The following PHF2 variants were observed in gnomAD, a reference collection of about 807,000 sequenced individuals.
PHF2 encodes PHD finger protein 2.
PHF2 carries 27 observed loss-of-function variants against 120.5 expected under a neutral mutation model. The observed-to-expected ratio is 0.22, with a 90% CI of 0.17 to 0.31. The LOEUF is 0.31. Among genes scored for constraint, PHF2 ranks in the 10% least tolerant of loss-of-function variants. The pLI is 1.00. For synonymous variants in PHF2, 568 were observed against 592.5 expected (o/e 0.96, Z 0.60); for missense variants, 1,024 against 1,434.8 (o/e 0.71, Z 4.63).
chr9:93,657,957 A>G (rs1014308866), intron 9 of PHF2, among the ~76,000 whole-genome samples, 188 bp from the exon 10 acceptor site: 4 of 152,148 alleles, frequency 2.6e-5, no homozygotes, highest in Non-Finnish European at 5.9e-5. Flanking sequence ...CAAGCAGGGC[A>G]GGCCACCAGG....
At chr9:93,581,459 A>G (rs188917762) in intron 1 of PHF2, among the ~76,000 whole-genome samples, 34 of 152,280 alleles carry the variant, frequency 2.2e-4, no homozygotes, top group Non-Finnish European at 3.1e-4. Flanking sequence ...TGATGTGTTT[A>G]GGAATAAATC....
At chr9:93,584,649 G>T (rs1863001912) in intron 1 of PHF2, among the ~76,000 whole-genome samples, 1 of 152,176 alleles carries the variant, frequency 6.6e-6, no homozygotes, top group Non-Finnish European at 1.5e-5. Flanking sequence ...CTGCAAAGTT[G>T]TAGTAAGTTT....
rs998819814 is a variant in PHF2, at chr9:93,677,521, C to G, written c.3203-67C>G. The G allele has an allele frequency of 8.3e-7, 1 of 1,207,418 alleles. No individual in the cohort carries two copies. Among genetic ancestry groups the G allele is most frequent in the Admixed American group, 1.8e-5 (1 of 55,896 alleles). 74.8% of individuals were successfully genotyped at this position (1,207,418 alleles called of 1,614,324 possible). On this transcript the variant is annotated intron_variant, in intron 21 of 21. Transcript: ENST00000359246. This position sits in a 1 kb window ranked among gnomAD's most constrained non-coding sequence, Gnocchi z 4.4. ...GTGTCAGCGGGACCCTCCCCCCCAC[C>G]GGCATGCCACGCCCCTTGCCATCTA...
At chr9:93,618,230 C>T (rs1564383021) in intron 1 of PHF2, among the ~76,000 whole-genome samples, 1 of 152,264 alleles carries the variant, frequency 6.6e-6, no homozygotes, top group Non-Finnish European at 1.5e-5. Flanking sequence ...TGAGCTAATG[C>T]AGCTGTTGCA....
intron 7 of PHF2, among the ~76,000 whole-genome samples, chr9:93,655,276 G>GT (rs71364388): frequency 0.46 from 66,476 of 143,622 alleles, 15,341 homozygotes; most frequent in South Asian, 0.55. Flanking sequence ...TATAGGGTTG[G>GT]TTTTTTTTTT....
intron 4 of PHF2, 74 bp from the exon 5 acceptor site, chr9:93,648,997 C>T: frequency 6.6e-7 from 1 of 1,506,026 alleles, no homozygotes; most frequent in Admixed American, 2.0e-5. Flanking sequence ...TGTGTGTCCA[C>T]TCCACACGTC....
intron 1 of PHF2, among the ~76,000 whole-genome samples, chr9:93,597,400 T>C (rs763848485): frequency 3.9e-4 from 59 of 152,134 alleles, no homozygotes; most frequent in Admixed American, 8.5e-4. Flanking sequence ...ATGCAGACCC[T>C]TGGGCCACTG....
At chr9:93,636,990 A>G (rs2131663567) in intron 3 of PHF2, among the ~76,000 whole-genome samples, 1 of 152,374 alleles carries the variant, frequency 6.6e-6, no homozygotes. Flanking sequence ...GGCCACAGGA[A>G]GGACACAGCC....
intron 2 of PHF2, among the ~76,000 whole-genome samples, chr9:93,634,529 C>A (rs1158212327): frequency 2.0e-4 from 31 of 152,222 alleles, no homozygotes; most frequent in Admixed American, 2.0e-3. Flanking sequence ...TGAGTGCTTG[C>A]AAACTGCAAC....
chr9:93,593,977 T>G (rs146939067), intron 1 of PHF2, among the ~76,000 whole-genome samples: 103 of 152,242 alleles, frequency 6.8e-4, no homozygotes, highest in African/African-American at 2.4e-3. Flanking sequence ...AGCAAGGGAG[T>G]AAGACCATCA....
rs572214032 is a variant in PHF2 at position 93,664,811 on chromosome 9, G to A, written c.1938-875G>A. Among the ~76,000 whole-genome samples, 27 of 152,348 alleles carry A rather than the reference G, an allele frequency of 1.8e-4. No homozygotes were observed. In the South Asian group the frequency reaches 2.9e-3, roughly 16 times the overall value. On this transcript the variant is annotated intron_variant, in intron 14 of 21. Coordinates refer to ENST00000359246, the MANE Select transcript of PHF2 (RefSeq NM_005392.4). ...GTTGACGATAGAGATGAGAAAGAGC[G>A]GTGTGACTCTAGCCTGTGGACACGT...
intron 17 of PHF2, chr9:93,672,852 G>T: frequency 1.0e-6 from 1 of 975,252 alleles, no homozygotes; most frequent in Non-Finnish European, 1.2e-6. Flanking sequence ...GCAGGTGCAG[G>T]GGTGGAGGTA....
chr9:93,668,153 A>C (rs1479445891), intron 17 of PHF2, among the ~76,000 whole-genome samples: 3 of 152,240 alleles, frequency 2.0e-5, no homozygotes, highest in African/African-American at 7.2e-5. Context: ...ATGTTCATGT[A>C]ATATTGATCA....
intron 1 of PHF2, among the ~76,000 whole-genome samples, chr9:93,612,236 A>G (rs1341312261): frequency 6.6e-6 from 1 of 152,262 alleles, no homozygotes; most frequent in African/African-American, 2.4e-5. Flanking sequence ...GTGAATACAC[A>G]TGATCCACGT....
In PHF2 at chr9:93,661,592, T is replaced by A. The variant is rs558967215; in HGVS notation, c.1698+1032T>A. On this transcript the variant is annotated intron_variant, in intron 12 of 21. Transcript: ENST00000359246. ...ATGGGTGGATGGATGGATGAATAAA[T>A]GGATGGATGGGTGAATGGGTGGATG... 4.0e-5 allele frequency among the ~76,000 whole-genome samples: 6 copies of A among 151,828 alleles called. No individual in the cohort carries two copies. The South Asian group carries it at 1.3e-3, about 32-fold the overall frequency.
chr9:93,611,068 T>C (rs1403937526), intron 1 of PHF2, among the ~76,000 whole-genome samples: 1 of 152,222 alleles, frequency 6.6e-6, no homozygotes, highest in Admixed American at 6.5e-5. Flanking sequence ...GTTCTGTACA[T>C]GTCATCCCTT....
chr9:93,677,040 C>A lies in PHF2; in HGVS notation c.3202+77C>A, dbSNP rs925728735. ...ATGGGCAGCCCCAGACATGCAGACT[C>A]GGCCCATGGTAGAGGGCAGCACATT... On this transcript the variant is annotated intron_variant, in intron 21 of 21. Transcript: ENST00000359246. This position sits in a 1 kb window ranked among gnomAD's most constrained non-coding sequence, Gnocchi z 4.4. 4.2e-6 allele frequency: 6 copies of A among 1,421,852 alleles called. No individual in the cohort carries two copies. Among genetic ancestry groups the A allele is most frequent in the South Asian group, 1.5e-5 (1 of 67,680 alleles). 88.1% of individuals were successfully genotyped at this position (1,421,852 alleles called of 1,614,324 possible).
chr9:93,677,481 G>A lies in PHF2; in HGVS notation c.3203-107G>A, dbSNP rs2118173821. The A allele has an allele frequency of 3.8e-6, 3 of 784,150 alleles. No individual in the cohort carries two copies. The East Asian group carries it at 7.3e-5, about 19-fold the overall frequency. The allele number at this position is 784,150 out of a possible 1,614,324, so 48.6% of individuals were successfully genotyped here. ...AGGCCCATTTTACAGATGGGGGACT[G>A]CAGGCTGCCCCTTAGTGTCAGCGGG... On this transcript the variant is annotated intron_variant, in intron 21 of 21. Transcript: ENST00000359246. The surrounding 1 kb of genome is among the most constrained non-coding windows in gnomAD (Gnocchi z 4.4).
rs755995549 is a variant in PHF2, at chr9:93,675,800, G to T, written c.2832+11G>T. 30 of 1,601,670 alleles carry T rather than the reference G, an allele frequency of 1.9e-5. No homozygotes were observed. Among genetic ancestry groups the T allele is most frequent in the Non-Finnish European group, 2.6e-5 (30 of 1,174,090 alleles). On this transcript the variant is annotated intron_variant, in intron 20 of 21. Coordinates refer to ENST00000359246, the MANE Select transcript of PHF2 (RefSeq NM_005392.4). ...AAGTTGTCCCAGCAGGTGAGGAGGG[G>T]CGAGAAGGACACACGGCAGCCAGGT...
Sources: allele counts gnomAD v4.1 joint callset (sites outside exome capture counted in the v4.1 genomes callset), GRCh38; gene constraint gnomAD v4.1.1; non-coding constraint Gnocchi (gnomAD v3.1); transcripts MANE v1.5; gene names NCBI Gene and HGNC (gene_info 2026-07-23, HGNC 2026-07-21).